C1QTNF4: variants seen among roughly 807,000 people sequenced by gnomAD.
C1QTNF4 encodes the protein complement C1q tumor necrosis factor-related protein 4.
C1QTNF4 carries 12 observed loss-of-function variants against 14.6 expected under a neutral mutation model. The observed-to-expected ratio is 0.82, with a 90% CI of 0.53 to 1.33. The LOEUF (loss-of-function observed/expected upper bound fraction) is 1.33. Ranked by LOEUF, C1QTNF4 falls within the 40% of genes most tolerant of loss-of-function variation. C1QTNF4 has a pLI of 0.00. For synonymous variants in C1QTNF4, 278 were observed against 246.6 expected (o/e 1.13, Z -1.19); for missense variants, 558 against 500.3 (o/e 1.12, Z -1.10).
At position 47,590,295 on chromosome 11, in the gene C1QTNF4, G is replaced by A. The variant is rs1325447619; in HGVS notation, c.516C>T (p.Pro172=). 100 of 1,156,042 alleles carry A rather than the reference G, an allele frequency of 8.7e-5. No homozygotes were observed. The highest frequency in any genetic ancestry group is 1.0e-4 in the Non-Finnish European group (97 of 937,796). 71.6% of individuals were successfully genotyped at this position (1,156,042 alleles called of 1,614,324 possible). ...CCGAGAAGGCCGAGCGCGGCTCGGG[G>A]GGCGCGGGCGGCCCGCGCGCAGGCG... ...ADAPARGPPA[P]PEPRSAFSAA... The change falls in exon 2 of 2, where the codon CCC becomes CCT. Residue 172 remains proline, a synonymous_variant. Coordinates refer to ENST00000302514, the MANE Select transcript of C1QTNF4 (RefSeq NM_031909.3).
chr11:47,589,999 C>T lies in C1QTNF4; in HGVS notation c.812G>A (p.Ser271Asn), dbSNP rs1171278276. 1 of 1,611,658 alleles carries T rather than the reference C, an allele frequency of 6.2e-7. No individual in the cohort carries two copies. The highest frequency in any genetic ancestry group is 1.1e-5 in the South Asian group (1 of 90,986). ...CCGCAGGGCCAGCATCACGCTCTGG[C>T]TCTGCATCTCGCGGCGCCGCGACGC... The part of the protein sequence containing the change: ...DGASRRREMQ[S>N]QSVMLALRRG... Residue 271 changes from serine to asparagine, a missense_variant, in exon 2 of 2, where the codon AGC (serine) becomes AAC (asparagine). Coordinates refer to ENST00000302514, the MANE Select transcript of C1QTNF4 (RefSeq NM_031909.3).
chr11:47,589,890 G>A lies in C1QTNF4; in HGVS notation c.921C>T (p.Ser307=), dbSNP rs781740346. 5.1e-6 allele frequency: 8 copies of A among 1,569,886 alleles called. No homozygotes were observed. In the African/African-American group the frequency reaches 6.8e-5, roughly 13 times the overall value. ...YSNHGKYITF[S]GFLVYPDLAP... is the part of the protein sequence containing the mutation. ...CGAGGTCGGGGTACACCAGGAAGCCGGAGAAGGTGATGTACTTGCCGTGGT... is the reference window on the plus strand; with the variant it reads ...CGAGGTCGGGGTACACCAGGAAGCCAGAGAAGGTGATGTACTTGCCGTGGT... The change falls in exon 2 of 2, where the codon TCC becomes TCT. Residue 307 remains serine (S), a synonymous_variant. Coordinates refer to ENST00000302514, the MANE Select transcript of C1QTNF4 (RefSeq NM_031909.3).
rs2097274509 is a variant in C1QTNF4 at position 47,590,212 on chromosome 11, G to A, written c.599C>T (p.Pro200Leu). The A allele has an allele frequency of 1.3e-6, 2 of 1,567,548 alleles. No homozygotes were observed. The highest frequency in any genetic ancestry group is 1.4e-5 in the African/African-American group (1 of 73,386). The change falls in exon 2 of 2, where the codon CCA (proline) becomes CTA (leucine). Residue 200 changes from proline (P) to leucine (L), a missense_variant. Physicochemically the swap from Pro to Leu is moderately conservative, Grantham distance 98. Transcript: ENST00000302514. Reference sequence around the variant, plus strand: ...GACGAACTCGGTGTCGAAGGCGAGTGGTTGGTGCCGCGGCCCGGGGCCAGC... The same window carrying A: ...GACGAACTCGGTGTCGAAGGCGAGTAGTTGGTGCCGCGGCCCGGGGCCAGC... ...SDAGPGPRHQ[P>L]LAFDTEFVNI...
chr11:47,594,939 G>A (rs964985288), upstream of C1QTNF4, among the ~76,000 whole-genome samples: 2 of 152,150 alleles, frequency 1.3e-5, no homozygotes, highest in South Asian at 2.1e-4. Flanking sequence ...GGCAGCCTGC[G>A]TTCCCCGGGG....
chr11:47,592,284 C>A lies in C1QTNF4; in HGVS notation c.-5-1469G>T, dbSNP rs1377399767. 2.0e-5 allele frequency among the ~76,000 whole-genome samples: 3 copies of A among 152,176 alleles called. No individual in the cohort carries two copies. In the East Asian group the frequency reaches 5.8e-4, roughly 29 times the overall value. ...AGATAGCCAGATCTGGGTTCAGGTC[C>A]TGGCTCTACCACTCACACTGTGAAA... On this transcript the variant is annotated intron_variant, in intron 1 of 1. Coordinates refer to ENST00000302514, the MANE Select transcript of C1QTNF4 (RefSeq NM_031909.3).
At chr11:47,591,711 C>CT (rs2097275788) in intron 1 of C1QTNF4, among the ~76,000 whole-genome samples, 1 of 152,178 alleles carries the variant, frequency 6.6e-6, no homozygotes, top group Non-Finnish European at 1.5e-5. Flanking sequence ...TAAGTGAAAG[C>CT]TTGAACACAG....
At position 47,589,725 on chromosome 11, in the gene C1QTNF4, C is replaced by T. The variant is rs1198022676; in HGVS notation, c.*96G>A. The T allele has an allele frequency of 8.1e-7, 1 of 1,233,438 alleles. No individual in the cohort carries two copies. The highest frequency in any genetic ancestry group is 1.1e-6 in the Non-Finnish European group (1 of 924,978). 76.4% of individuals were successfully genotyped at this position (1,233,438 alleles called of 1,614,324 possible). A position where few individuals can be genotyped will look rare whatever the true frequency, so the allele number is the denominator to read the frequency against. On this transcript the variant is annotated 3_prime_UTR_variant, in exon 2 of 2. Transcript: ENST00000302514. ...GCTTTATTGGCAGAGTCCAGGCGCGCCCGGAGGCCGTGGCGCTCGCGCGGG... is the reference window on the plus strand; with the variant it reads ...GCTTTATTGGCAGAGTCCAGGCGCGTCCGGAGGCCGTGGCGCTCGCGCGGG...
In C1QTNF4 at chr11:47,590,395, G is replaced by T; in HGVS notation, c.416C>A (p.Ala139Asp). The T allele has an allele frequency of 6.8e-7, 1 of 1,474,644 alleles. No individual in the cohort carries two copies. The highest frequency in any genetic ancestry group is 8.9e-7 in the Non-Finnish European group (1 of 1,120,422). 91.3% of individuals were successfully genotyped at this position (1,474,644 alleles called of 1,614,324 possible). A position where few individuals can be genotyped will look rare whatever the true frequency, so the allele number is the denominator to read the frequency against. Residue 139 changes from alanine (A) to aspartate (D), a missense_variant, in exon 2 of 2, where the codon GCC becomes GAC. Physicochemically the swap from Ala to Asp is moderately radical, Grantham distance 126. Coordinates refer to ENST00000302514, the MANE Select transcript of C1QTNF4 (RefSeq NM_031909.3). Reference protein sequence around the residue: ...GDTVWLRLHGAPQYALGAPGA... With the variant: ...GDTVWLRLHGDPQYALGAPGA... ...GGGCGCGCCTAGCGCGTACTGCGGGGCGCCATGCAGCCGCAGCCACACTGT... is the reference window on the plus strand; with the variant it reads ...GGGCGCGCCTAGCGCGTACTGCGGGTCGCCATGCAGCCGCAGCCACACTGT...
Position 47,590,012 on chromosome 11 carries a change from G to T in C1QTNF4, c.799C>A (p.Arg267Ser). Residue 267 changes from arginine to serine, a missense_variant, in exon 2 of 2, where the codon CGC (arginine) becomes AGC (serine). Physicochemically the swap from Arg to Ser is moderately radical, Grantham distance 110. Coordinates refer to ENST00000302514, the MANE Select transcript of C1QTNF4 (RefSeq NM_031909.3). ...MIYDDGASRR[R>S]EMQSQSVMLA... ...ATCACGCTCTGGCTCTGCATCTCGC[G>T]GCGCCGCGACGCGCCGTCGTCGTAA... 1 of 1,611,626 alleles carries T rather than the reference G, an allele frequency of 6.2e-7. No individual in the cohort carries two copies. The highest frequency in any genetic ancestry group is 1.1e-5 in the South Asian group (1 of 90,994).
chr11:47,591,084 G>GT (rs2097275389), intron 1 of C1QTNF4, among the ~76,000 whole-genome samples: 1 of 152,150 alleles, frequency 6.6e-6, no homozygotes, highest in Non-Finnish European at 1.5e-5. Context: ...TCTTTGTTTT[G>GT]TTTGTTTGTT....
Position 47,590,254 on chromosome 11 carries a change from C to A in C1QTNF4, c.557G>T (p.Ser186Ile). ...GGGGCCAGCGTCCGAGCCCACCAAGCTGCGCGTGCGCGCCGCCGAGAAGGC... is the reference window on the plus strand; with the variant it reads ...GGGGCCAGCGTCCGAGCCCACCAAGATGCGCGTGCGCGCCGCCGAGAAGGC... ...RSAFSAARTR[S>I]LVGSDAGPGP... Residue 186 changes from serine (S) to isoleucine (I), a missense_variant, in exon 2 of 2, where the codon AGC becomes ATC. Coordinates refer to ENST00000302514, the MANE Select transcript of C1QTNF4 (RefSeq NM_031909.3). 1 of 1,448,130 alleles carries A rather than the reference C, an allele frequency of 6.9e-7. No individual in the cohort carries two copies. The highest frequency in any genetic ancestry group is 9.0e-7 in the Non-Finnish European group (1 of 1,108,676). 89.7% of individuals were successfully genotyped at this position (1,448,130 alleles called of 1,614,324 possible). A position where few individuals can be genotyped will look rare whatever the true frequency, so the allele number is the denominator to read the frequency against.
rs1034018977 is a variant in C1QTNF4, at chr11:47,592,698, C to T, written c.-6+1450G>A. Reference sequence around the variant, plus strand: ...AGCTGGAGACAGCCTGGGATGTGGGCTGCTTTAGAAAATGCCCTGTATGTG... The same window carrying T: ...AGCTGGAGACAGCCTGGGATGTGGGTTGCTTTAGAAAATGCCCTGTATGTG... On this transcript the variant is annotated intron_variant, in intron 1 of 1. Transcript: ENST00000302514. 2.6e-5 allele frequency among the ~76,000 whole-genome samples: 4 copies of T among 152,122 alleles called. No individual in the cohort carries two copies. The South Asian group carries it at 8.3e-4, about 31-fold the overall frequency.
In C1QTNF4 at chr11:47,589,816, G is replaced by T; in HGVS notation, c.*5C>A. On this transcript the variant is annotated 3_prime_UTR_variant, in exon 2 of 2. Coordinates refer to ENST00000302514, the MANE Select transcript of C1QTNF4 (RefSeq NM_031909.3). ...GCCCTCCCGGGCTCTTCTCTGGCCC[G>T]GGGCTCACAGTAGCTCCGAGGCCCC... is the stretch of plus-strand genomic sequence containing the variant. 6.6e-7 allele frequency: 1 copy of T among 1,521,826 alleles called. No individual in the cohort carries two copies. Among genetic ancestry groups the T allele is most frequent in the East Asian group, 2.5e-5 (1 of 40,350 alleles). 94.3% of individuals were successfully genotyped at this position (1,521,826 alleles called of 1,614,324 possible). A position where few individuals can be genotyped will look rare whatever the true frequency, so the allele number is the denominator to read the frequency against.
rs1195119225 is a variant in C1QTNF4, at chr11:47,590,705, G to A, written c.106C>T (p.Arg36Cys). The change falls in exon 2 of 2, where the codon CGC (arginine) becomes TGC (cysteine). Residue 36 changes from arginine (R) to cysteine (C), a missense_variant. Transcript: ENST00000302514. Reference protein sequence around the residue: ...SELRSAFSAARTTPLEGTSEM... With the variant: ...SELRSAFSAACTTPLEGTSEM... ...GACGTGCCCTCCAGGGGGGTGGTGCGTGCCGCCGAGAAGGCCGAGCGCAGC... is the reference window on the plus strand; with the variant it reads ...GACGTGCCCTCCAGGGGGGTGGTGCATGCCGCCGAGAAGGCCGAGCGCAGC... The A allele has an allele frequency of 1.2e-6, 2 of 1,611,126 alleles. No individual in the cohort carries two copies. Among genetic ancestry groups the A allele is most frequent in the Non-Finnish European group, 1.7e-6 (2 of 1,179,296 alleles).
In C1QTNF4 at chr11:47,589,797, C is replaced by G; in HGVS notation, c.*24G>C. 4.0e-6 allele frequency: 6 copies of G among 1,489,636 alleles called. No individual in the cohort carries two copies. Among genetic ancestry groups the G allele is most frequent in the Middle Eastern group, 4.0e-4 (2 of 4,990 alleles). The allele number at this position is 1,489,636 out of a possible 1,614,324, so 92.3% of individuals were successfully genotyped here. On this transcript the variant is annotated 3_prime_UTR_variant, in exon 2 of 2. Transcript: ENST00000302514. ...CCTGGCATGCACGCCCCTGGCCCTC[C>G]CGGGCTCTTCTCTGGCCCGGGGCTC...
upstream of C1QTNF4, chr11:47,594,762 T>C (rs2097277349): frequency 6.6e-6 from 1 of 152,282 alleles, no homozygotes; most frequent in African/African-American, 2.4e-5. Context: ...ATGTCCAAGC[T>C]AAGTGGCCTT....
rs1184159541 is a variant in C1QTNF4, at chr11:47,594,230, A to AGGCTGCG, written c.-95_-89dup. The AGGCTGCG allele has an allele frequency of 1.3e-5, 2 of 151,804 alleles. No homozygotes were observed. Among genetic ancestry groups the AGGCTGCG allele is most frequent in the South Asian group, 2.1e-4 (1 of 4,816 alleles). The allele number at this position is 151,804 out of a possible 1,614,324, so 9.4% of individuals were successfully genotyped here. ...CTGCGGGCTGCGGGCTGCAGGCTGC[A>AGGCTGCG]GGCTGCGGGTGCCGGGCTGCGCGCT... On this transcript the variant is annotated 5_prime_UTR_variant, in exon 1 of 2. Transcript: ENST00000302514.
In C1QTNF4 at chr11:47,590,369, C is replaced by T; in HGVS notation, c.442G>A (p.Gly148Ser). The T allele has an allele frequency of 2.9e-6, 4 of 1,383,546 alleles. No individual in the cohort carries two copies. The highest frequency in any genetic ancestry group is 3.7e-6 in the Non-Finnish European group (4 of 1,077,952). 85.7% of individuals were successfully genotyped at this position (1,383,546 alleles called of 1,614,324 possible). The change falls in exon 2 of 2, where the codon GGC becomes AGC. Residue 148 changes from glycine to serine, a missense_variant. By Grantham distance (56) the Gly-to-Ser change is moderately conservative. Transcript: ENST00000302514. ...ACTAGGTAGCCGCTGAAGGTGGCGCCGGGCGCGCCTAGCGCGTACTGCGGG... is the reference window on the plus strand; with the variant it reads ...ACTAGGTAGCCGCTGAAGGTGGCGCTGGGCGCGCCTAGCGCGTACTGCGGG... ...GAPQYALGAP[G>S]ATFSGYLVYA...
chr11:47,589,723 C>T lies in C1QTNF4; in HGVS notation c.*98G>A. On this transcript the variant is annotated 3_prime_UTR_variant, in exon 2 of 2. Transcript: ENST00000302514. ...CCGCTTTATTGGCAGAGTCCAGGCGCGCCCGGAGGCCGTGGCGCTCGCGCG... is the reference window on the plus strand; with the variant it reads ...CCGCTTTATTGGCAGAGTCCAGGCGTGCCCGGAGGCCGTGGCGCTCGCGCG... The T allele has an allele frequency of 4.1e-6, 5 of 1,206,488 alleles. No homozygotes were observed. The highest frequency in any genetic ancestry group is 5.5e-6 in the Non-Finnish European group (5 of 901,276). The allele number at this position is 1,206,488 out of a possible 1,614,324, so 74.7% of individuals were successfully genotyped here.
Sources: allele counts gnomAD v4.1 joint callset (sites outside exome capture counted in the v4.1 genomes callset), GRCh38; gene constraint gnomAD v4.1.1; transcripts MANE v1.5; gene names NCBI Gene and HGNC (gene_info 2026-07-23, HGNC 2026-07-21).